The following GRM8 variants were observed in gnomAD, a reference collection of about 807,000 sequenced individuals.
GRM8 encodes the protein metabotropic glutamate receptor 8.
Under a neutral mutation model 87.2 loss-of-function variants are expected in GRM8, and 47 were observed. The observed-to-expected ratio is 0.54, with a 90% CI of 0.43 to 0.69. The LOEUF (loss-of-function observed/expected upper bound fraction) is 0.69. Among genes scored for constraint, GRM8 ranks in the 30% least tolerant of loss-of-function variants. The pLI, the probability that GRM8 is intolerant of heterozygous loss-of-function variation, is 0.00. For synonymous variants in GRM8, 396 were observed against 404.5 expected, an observed-to-expected ratio of 0.98 and a Z score of 0.25; for missense variants, 1,019 against 1,139.2, an observed-to-expected ratio of 0.89 and a Z score of 1.52.
intron 7 of GRM8, among the ~76,000 whole-genome samples, chr7:126,629,604 T>TA (rs1004373225): frequency 1.7e-4 from 26 of 152,048 alleles, no homozygotes; most frequent in East Asian, 1.5e-3. Flanking sequence ...TCTAAAGAAA[T>TA]AAAAAAAATA....
At chr7:126,606,737 A>T (rs1798391767) in intron 8 of GRM8, among the ~76,000 whole-genome samples, 1 of 152,250 alleles carries the variant, frequency 6.6e-6, no homozygotes, top group African/African-American at 2.4e-5. Context: ...GATCATAATC[A>T]TGCATGAGAA....
chr7:126,860,696 A>G (rs2130808893), intron 6 of GRM8, among the ~76,000 whole-genome samples: 1 of 152,308 alleles, frequency 6.6e-6, no homozygotes, highest in East Asian at 1.9e-4. Context: ...TATTTATGGA[A>G]ACTGCAAGCA....
At chr7:126,613,302 A>C (rs1355476709) in intron 7 of GRM8, among the ~76,000 whole-genome samples, 1 of 152,162 alleles carries the variant, frequency 6.6e-6, no homozygotes. Context: ...TTTTGTCCAC[A>C]AAAAAATTTC....
At chr7:126,662,098 G>T (rs1805241175) in intron 7 of GRM8, among the ~76,000 whole-genome samples, 1 of 152,082 alleles carries the variant, frequency 6.6e-6, no homozygotes, top group South Asian at 2.1e-4. Context: ...TTTACATTTT[G>T]TAACAGGTTC....
intron 3 of GRM8, among the ~76,000 whole-genome samples, chr7:127,082,732 T>G (rs927591090): frequency 6.6e-6 from 1 of 152,230 alleles, no homozygotes; most frequent in African/African-American, 2.4e-5. Context: ...TCTTAAAAGC[T>G]TATTGCATGC....
Position 126,904,010 on chromosome 7 carries a change from C to A in GRM8, c.980G>T (p.Gly327Val). The change falls in exon 5 of 11, where the codon GGG (glycine) becomes GTG (valine). Residue 327 changes from glycine (G) to valine (V), a missense_variant. Gly to Val is a moderately radical substitution (Grantham distance 109). Transcript: ENST00000339582. ...PVYQQEEIAE[G>V]AVTILPKRAS... ...TCGTTTGGGCAAAATTGTCACAGCC[C>A]CTTCTGCAATCTCCTCTTGCTGATA... 6.4e-7 allele frequency: 1 copy of A among 1,565,012 alleles called. No individual in the cohort carries two copies. The highest frequency in any genetic ancestry group is 8.8e-7 in the Non-Finnish European group (1 of 1,136,992).
chr7:126,544,624 C>T lies in GRM8; in HGVS notation c.1495-10737G>A, dbSNP rs537155667. ...CTCCCGGGTTCAGACGATTCTCCTG[C>T]CTCAGCCTCCCGAGTAGCTGGGACT... is the stretch of plus-strand genomic sequence containing the variant. On this transcript the variant is annotated intron_variant, in intron 8 of 10. Transcript: ENST00000339582. 1.6e-3 allele frequency among the ~76,000 whole-genome samples: 248 copies of T among 152,196 alleles called. 1 individual carries two copies. The highest frequency in any genetic ancestry group is 0.014 in the South Asian group (68 of 4,818).
chr7:126,747,529 A>G (rs991659912), intron 7 of GRM8, among the ~76,000 whole-genome samples: 4 of 152,000 alleles, frequency 2.6e-5, no homozygotes, highest in Admixed American at 2.6e-4. Context: ...ACATCAAGAA[A>G]CTACAATGAC....
chr7:127,037,827 G>A (rs1371170710), intron 3 of GRM8, among the ~76,000 whole-genome samples: 4 of 130,024 alleles, frequency 3.1e-5, no homozygotes, highest in Admixed American at 7.4e-5. Flanking sequence ...ACGTGCATGC[G>A]CATCCGTGTG....
rs763445521 is a variant in GRM8, at chr7:127,193,522, T to C, written c.510+49173A>G. On this transcript the variant is annotated intron_variant, in intron 2 of 10. Transcript: ENST00000339582. Reference sequence around the variant, plus strand: ...ACAAAGCTTCTAAGCAAATGTGAGGTCGGTTAATTCTCATATCAACTCTAA... The same window carrying C: ...ACAAAGCTTCTAAGCAAATGTGAGGCCGGTTAATTCTCATATCAACTCTAA... Among the ~76,000 whole-genome samples, 22 of 152,290 alleles carry C rather than the reference T, an allele frequency of 1.4e-4. 1 individual carries two copies. In the Middle Eastern group the frequency reaches 0.01, roughly 71 times the overall value.
intron 6 of GRM8, among the ~76,000 whole-genome samples, chr7:126,879,292 T>G (rs1279040895): frequency 6.6e-6 from 1 of 152,126 alleles, no homozygotes; most frequent in Middle Eastern, 3.2e-3. Flanking sequence ...AATAGCCACA[T>G]ATTTCAATCT....
Position 126,878,006 on chromosome 7 carries a change from T to A in GRM8, c.1156+24536A>T, listed in dbSNP as rs138203743. ...TTACAATGATGAAACATTGGACAAA[T>A]TAAGGTCTCAGGACAGGAGGTCACG... On this transcript the variant is annotated intron_variant, in intron 6 of 10. Coordinates refer to ENST00000339582, the MANE Select transcript of GRM8 (RefSeq NM_000845.3). Among the ~76,000 whole-genome samples the A allele has an allele frequency of 3.0e-3, 453 of 152,252 alleles. 3 individuals are homozygous for A. The highest frequency in any genetic ancestry group is 0.01 in the African/African-American group (431 of 41,532).
chr7:127,217,496 G>A (rs1056694847), intron 2 of GRM8, among the ~76,000 whole-genome samples: 1 of 152,168 alleles, frequency 6.6e-6, no homozygotes, highest in African/African-American at 2.4e-5. Flanking sequence ...TTCCCAAAGG[G>A]TTCCAGTTTT....
chr7:126,650,989 C>T (rs1260680505), intron 7 of GRM8, among the ~76,000 whole-genome samples: 1 of 152,140 alleles, frequency 6.6e-6, no homozygotes, highest in East Asian at 1.9e-4. Flanking sequence ...AATATGGCAC[C>T]ATTCCTTGAG....
intron 7 of GRM8, among the ~76,000 whole-genome samples, chr7:126,725,015 A>C (rs1812804327): frequency 6.6e-6 from 1 of 152,194 alleles, no homozygotes; most frequent in South Asian, 2.1e-4. Context: ...GTGAAAATGA[A>C]TTGCAAAGGA....
intron 6 of GRM8, among the ~76,000 whole-genome samples, chr7:126,843,904 C>G (rs1234017637): frequency 1.3e-5 from 2 of 152,132 alleles, no homozygotes; most frequent in African/African-American, 4.8e-5. Context: ...GTGTTCTCAT[C>G]TATTATTGAT....
intron 8 of GRM8, among the ~76,000 whole-genome samples, chr7:126,589,309 CT>C (rs934766268): frequency 2.6e-5 from 4 of 152,124 alleles, no homozygotes; most frequent in African/African-American, 9.7e-5. Context: ...TGAGACTGGC[CT>C]TTTGGATTGC....
chr7:126,778,424 A>C (rs1414518351), intron 6 of GRM8, among the ~76,000 whole-genome samples: 2 of 152,172 alleles, frequency 1.3e-5, no homozygotes, highest in African/African-American at 4.8e-5. Context: ...AAAACACTGA[A>C]AAACCTAAGG....
chr7:126,721,742 C>T (rs1187682903), intron 7 of GRM8, among the ~76,000 whole-genome samples: 2 of 151,982 alleles, frequency 1.3e-5, no homozygotes, highest in Admixed American at 6.6e-5. Context: ...AGATGACTTC[C>T]CTCTACCTGT....
Sources: gnomAD v4.1 joint callset for allele counts (sites outside exome capture counted in the v4.1 genomes callset) on GRCh38, gnomAD v4.1.1 for gene constraint, MANE v1.5 for transcripts, NCBI Gene and HGNC (gene_info 2026-07-23, HGNC 2026-07-21) for gene names.